Variants in XPO1 observed in about 807,000 individuals in gnomAD.
XPO1 encodes the protein exportin-1.
XPO1 carries 5 observed loss-of-function variants against 133.3 expected under a neutral mutation model. The observed-to-expected ratio is 0.04, with a 90% CI of 0.02 to 0.08. The LOEUF (loss-of-function observed/expected upper bound fraction) is 0.08, where lower values mean the gene tolerates loss of function less well. Ranked by LOEUF, XPO1 falls within the 10% of genes least tolerant of loss-of-function variation. The pLI is 1.00. For missense variants in XPO1, 506 were observed against 1,267.5 expected, an observed-to-expected ratio of 0.40 and a Z score of 9.12; for synonymous variants, 419 against 408.2, an observed-to-expected ratio of 1.03 and a Z score of -0.32.
intron 6 of XPO1, among the ~76,000 whole-genome samples, chr2:61,500,707 G>T (rs983084399): frequency 4.6e-5 from 7 of 152,112 alleles, no homozygotes; most frequent in South Asian, 2.1e-4. Context: ...GCCAAGGCAG[G>T]AGAATTGCTT....
Position 61,533,853 on chromosome 2 carries a change from C to A in XPO1, c.45G>T (p.Gln15His). The A allele has an allele frequency of 1.2e-6, 2 of 1,608,700 alleles. No homozygotes were observed. The highest frequency in any genetic ancestry group is 1.7e-6 in the Non-Finnish European group (2 of 1,177,934). ...CCAGTTTTTGGCTGAAATCAAGCAG[C>A]TGACGAGCTGCATGGTCTGCTAACA... ...MTMLADHAAR[Q>H]LLDFSQKLDI... The change falls in exon 2 of 25, where the codon CAG (glutamine) becomes CAT (histidine). Residue 15 changes from glutamine to histidine, a missense_variant. Gln to His is a conservative substitution (Grantham distance 24). Transcript: ENST00000401558.
At chr2:61,493,117 A>C in intron 12 of XPO1, 64 bp from the exon 13 acceptor site, 1 of 1,467,944 alleles carries the variant, frequency 6.8e-7, no homozygotes. Context: ...TTAGTGTAGA[A>C]GCTTAGTTAA....
rs1390080547 is a variant in XPO1, at chr2:61,502,025, T to C, written c.379A>G (p.Ile127Val). 9 of 1,602,680 alleles carry C rather than the reference T, an allele frequency of 5.6e-6. No individual in the cohort carries two copies. The highest frequency in any genetic ancestry group is 2.2e-5 in the South Asian group (2 of 89,216). The change falls in exon 6 of 25, where the codon ATC becomes GTC. Residue 127 changes from isoleucine to valine, a missense_variant. This residue lies in a region of XPO1 where 68 missense variants were observed against 210.5 expected (regional missense o/e 0.32). Coordinates refer to ENST00000401558, the MANE Select transcript of XPO1 (RefSeq NM_003400.4). ...ACAAGGATCATATTTAATTTTCCGATATACACCTTTTCTTTCTAAGGAAAA... is the reference window on the plus strand; with the variant it reads ...ACAAGGATCATATTTAATTTTCCGACATACACCTTTTCTTTCTAAGGAAAA... ...PTCVEKEKVY[I>V]GKLNMILVQI...
intron 6 of XPO1, among the ~76,000 whole-genome samples, chr2:61,501,509 G>C (rs948755014): frequency 1.3e-5 from 2 of 151,922 alleles, no homozygotes; most frequent in African/African-American, 2.4e-5. Context: ...ATCACCTGAG[G>C]TCAAGAGTTT....
intron 24 of XPO1, chr2:61,480,189 C>A (rs530208466): frequency 2.0e-5 from 3 of 151,106 alleles, no homozygotes; most frequent in African/African-American, 7.3e-5. Flanking sequence ...TGCCAAGATA[C>A]CAAGAAAGAT....
chr2:61,527,320 C>CAAA (rs1438631743), intron 2 of XPO1, among the ~76,000 whole-genome samples: 1 of 84,634 alleles, frequency 1.2e-5, no homozygotes. Context: ...CCATGACTCT[C>CAAA]CAAAAAAAAA....
chr2:61,482,986 G>A lies in XPO1; in HGVS notation c.2783C>T (p.Ser928Phe), dbSNP rs1236053683. The change falls in exon 22 of 25, where the codon TCT (serine) becomes TTT (phenylalanine). Residue 928 changes from serine to phenylalanine, a missense_variant. This residue lies in a region of XPO1 where 203 missense variants were observed against 365.9 expected (regional missense o/e 0.55). Transcript: ENST00000401558. ...AGTATGTGAAGTGTCTGTCACAACA[G>A]AAAAGATATGCTGGAGAATATCACA... ...YFCDILQHIF[S>F]VVTDTSHTAG... 2.5e-6 allele frequency: 4 copies of A among 1,613,290 alleles called. No individual in the cohort carries two copies. Among genetic ancestry groups the A allele is most frequent in the Non-Finnish European group, 3.4e-6 (4 of 1,179,896 alleles).
At chr2:61,523,257 A>G (rs1419101793) in intron 3 of XPO1, among the ~76,000 whole-genome samples, 1 of 152,216 alleles carries the variant, frequency 6.6e-6, no homozygotes, top group African/African-American at 2.4e-5. Flanking sequence ...TATAGTTGCT[A>G]TTTCTACTAA....
chr2:61,493,198 C>T (rs774251239), intron 12 of XPO1, 145 bp from the exon 13 acceptor site: 5 of 785,756 alleles, frequency 6.4e-6, no homozygotes, highest in Non-Finnish European at 7.5e-6. Flanking sequence ...CCAACTATTC[C>T]GGAGGGCCGA....
At chr2:61,512,938 T>C (rs1698164425) in intron 4 of XPO1, among the ~76,000 whole-genome samples, 1 of 152,088 alleles carries the variant, frequency 6.6e-6, no homozygotes, top group Admixed American at 6.6e-5. Flanking sequence ...AGGTGGAGTT[T>C]GCAGTGAGCC....
chr2:61,533,531 T>C (rs1460129932), intron 2 of XPO1, among the ~76,000 whole-genome samples: 4 of 152,210 alleles, frequency 2.6e-5, no homozygotes, highest in South Asian at 4.1e-4. Flanking sequence ...CTACAAAGTA[T>C]TTAATAACAT....
At chr2:61,502,217 C>T (rs2104529769) in intron 5 of XPO1, 32 bp downstream of exon 5, 1 of 1,600,348 alleles carries the variant, frequency 6.2e-7, no homozygotes, top group Non-Finnish European at 8.5e-7. Flanking sequence ...TGATTTTATG[C>T]TCTCCCAATA....
At chr2:61,503,791 T>G (rs1047611310) in intron 4 of XPO1, among the ~76,000 whole-genome samples, 2 of 152,168 alleles carry the variant, frequency 1.3e-5, no homozygotes, top group Non-Finnish European at 2.9e-5. Context: ...GGTCTGAAAC[T>G]CCTGACCTCA....
At chr2:61,487,760 T>G (rs964460904) in intron 19 of XPO1, among the ~76,000 whole-genome samples, 16 of 152,176 alleles carry the variant, frequency 1.1e-4, no homozygotes, top group Admixed American at 2.0e-4. Flanking sequence ...AAAAAAGACT[T>G]TCAGGCCTTT....
chr2:61,486,075 G>A lies in XPO1; in HGVS notation c.2314-113C>T. ...TAGCATGATCATCTACTGAAAACAG[G>A]AAAATCTTGTGTTTGTATTAGGGTT... On this transcript the variant is annotated intron_variant, in intron 19 of 24. Transcript: ENST00000401558. 3 of 291,370 alleles carry A rather than the reference G, an allele frequency of 1.0e-5. No individual in the cohort carries two copies. In the South Asian group the frequency reaches 1.1e-4, roughly 11 times the overall value. 18.0% of individuals were successfully genotyped at this position (291,370 alleles called of 1,614,324 possible).
chr2:61,482,941 C>G lies in XPO1; in HGVS notation c.2812+16G>C. 1.9e-6 allele frequency: 3 copies of G among 1,612,848 alleles called. No homozygotes were observed. Among genetic ancestry groups the G allele is most frequent in the Non-Finnish European group, 2.5e-6 (3 of 1,179,802 alleles). The stretch of plus-strand genomic sequence containing the variant: ...CCCAGCTGGCACTTAACATTTAAAT[C>G]GTATTAAATTCTTACCAGCAGTATG... On this transcript the variant is annotated intron_variant, in intron 22 of 24. Transcript: ENST00000401558.
chr2:61,478,548 A>C lies in XPO1; in HGVS notation c.*272T>G, dbSNP rs1573089726. 1 of 378,304 alleles carries C rather than the reference A, an allele frequency of 2.6e-6. No homozygotes were observed. The highest frequency in any genetic ancestry group is 4.5e-5 in the Admixed American group (1 of 22,294). The allele number at this position is 378,304 out of a possible 1,614,324, so 23.4% of individuals were successfully genotyped here. On this transcript the variant is annotated 3_prime_UTR_variant, in exon 25 of 25. Coordinates refer to ENST00000401558, the MANE Select transcript of XPO1 (RefSeq NM_003400.4). ...CAAATCGAATTTGCCTCCTCCCCCC[A>C]GCCCAGCCACAAAAATGGGCATGAA...
chr2:61,478,645 A>C lies in XPO1; in HGVS notation c.*175T>G, dbSNP rs1573089945. On this transcript the variant is annotated 3_prime_UTR_variant, in exon 25 of 25. Transcript: ENST00000401558. ...ATAAAGATGACCAAAACAAAAGCTT[A>C]AACAATGGAAGGATATTTCACAGAA... 1 of 637,126 alleles carries C rather than the reference A, an allele frequency of 1.6e-6. No individual in the cohort carries two copies. Among genetic ancestry groups the C allele is most frequent in the East Asian group, 2.9e-5 (1 of 33,928 alleles). The allele number at this position is 637,126 out of a possible 1,614,324, so 39.5% of individuals were successfully genotyped here.
chr2:61,534,556 A>C (rs1225265741), intron 1 of XPO1: 1 of 152,212 alleles, frequency 6.6e-6, no homozygotes. Context: ...GGAGGCGGGC[A>C]CCTGTAATCC....
Sources: allele counts gnomAD v4.1 joint callset (sites outside exome capture counted in the v4.1 genomes callset), GRCh38; gene constraint gnomAD v4.1.1; regional missense constraint gnomAD v4.1.1; transcripts MANE v1.5; gene names NCBI Gene and HGNC (gene_info 2026-07-23, HGNC 2026-07-21).